The following GABRA2 variants were observed in gnomAD, a reference collection of about 807,000 sequenced individuals.
GABRA2 encodes the protein gamma-aminobutyric acid receptor subunit alpha-2.
Under a neutral mutation model 48.7 loss-of-function variants are expected in GABRA2, and 16 were observed. The ratio of observed to expected loss-of-function variants is 0.33; its 90% CI spans 0.22 to 0.50. The LOEUF (loss-of-function observed/expected upper bound fraction) is 0.50. Ranked by LOEUF, GABRA2 falls within the 20% of genes least tolerant of loss-of-function variation. The probability of loss-of-function intolerance (pLI) is 0.98; values close to 1 mark genes in which losing one functional copy is unlikely to be tolerated. For missense variants in GABRA2, 275 were observed against 535.6 expected (o/e 0.51, Z 4.80); for synonymous variants, 185 against 184.5 (o/e 1.00, Z -0.02).
At chr4:46,290,870 T>C (rs1723489199) in intron 8 of GABRA2, among the ~76,000 whole-genome samples, 1 of 152,150 alleles carries the variant, frequency 6.6e-6, no homozygotes, top group Non-Finnish European at 1.5e-5. Flanking sequence ...TTTTGAAATA[T>C]TACATTAATG....
chr4:46,362,868 T>C (rs1188586953), intron 3 of GABRA2, among the ~76,000 whole-genome samples: 1 of 152,230 alleles, frequency 6.6e-6, no homozygotes, highest in Non-Finnish European at 1.5e-5. Flanking sequence ...TGATATTATA[T>C]GCAGGATGCT....
chr4:46,379,432 C>T (rs1716450692), intron 3 of GABRA2, among the ~76,000 whole-genome samples: 1 of 152,176 alleles, frequency 6.6e-6, no homozygotes. Flanking sequence ...TGACAAATAA[C>T]TTGATATCAG....
At chr4:46,280,373 G>T (rs1721294863) in intron 8 of GABRA2, among the ~76,000 whole-genome samples, 1 of 152,136 alleles carries the variant, frequency 6.6e-6, no homozygotes, top group African/African-American at 2.4e-5. Flanking sequence ...TGAATGTCTG[G>T]CATGGTCATG....
At chr4:46,375,585 T>A (rs1361347789) in intron 3 of GABRA2, among the ~76,000 whole-genome samples, 1 of 152,206 alleles carries the variant, frequency 6.6e-6, no homozygotes, top group Non-Finnish European at 1.5e-5. Context: ...TAGAAAAATG[T>A]GCTCTCTGAG....
intron 3 of GABRA2, among the ~76,000 whole-genome samples, chr4:46,385,228 G>C (rs1175473772): frequency 6.6e-6 from 1 of 151,400 alleles, no homozygotes; most frequent in Non-Finnish European, 1.5e-5. Flanking sequence ...GCAATAACCA[G>C]GTTAACTACA....
intron 8 of GABRA2, among the ~76,000 whole-genome samples, chr4:46,279,818 G>T (rs1025175966): frequency 2.0e-5 from 3 of 151,882 alleles, no homozygotes; most frequent in African/African-American, 4.8e-5. Context: ...TTAATTCTAA[G>T]AATTTAGATT....
chr4:46,344,860 T>C (rs531730898), intron 3 of GABRA2, among the ~76,000 whole-genome samples: 2 of 152,096 alleles, frequency 1.3e-5, no homozygotes, highest in African/African-American at 4.8e-5. Context: ...TATGTATACA[T>C]TCTTATTATA....
chr4:46,257,834 A>T (rs951980582), intron 9 of GABRA2, among the ~76,000 whole-genome samples: 1 of 151,700 alleles, frequency 6.6e-6, no homozygotes, highest in Admixed American at 6.6e-5. Flanking sequence ...TGTAAGGAGA[A>T]TAATGGACAA....
Position 46,245,015 on chromosome 4 carries a change from G to T in GABRA2, c.*5293C>A, listed in dbSNP as rs116488592. On this transcript the variant is annotated 3_prime_UTR_variant, in exon 10 of 10. Transcript: ENST00000381620. ...AGCAAAGAAAAAACACAGGTTTTTG[G>T]TTTTTTTGTTGTTTTTTGTTTTTTT... Among the ~76,000 whole-genome samples the T allele has an allele frequency of 0.019, 2,889 of 151,262 alleles. 97 individuals carry two copies. Among genetic ancestry groups the T allele is most frequent in the African/African-American group, 0.067 (2,761 of 41,404 alleles).
intron 8 of GABRA2, among the ~76,000 whole-genome samples, chr4:46,288,534 C>T (rs955617293): frequency 2.0e-5 from 3 of 152,050 alleles, no homozygotes; most frequent in Non-Finnish European, 4.4e-5. Flanking sequence ...AAACTGTATC[C>T]CTTTCTTATA....
intron 3 of GABRA2, among the ~76,000 whole-genome samples, chr4:46,341,663 G>C (rs1733265891): frequency 6.6e-6 from 1 of 152,012 alleles, no homozygotes. Context: ...CTCTGCCTAA[G>C]CCTTCACTTC....
At position 46,310,141 on chromosome 4, in the gene GABRA2, C is replaced by A. The variant is rs1170351987; in HGVS notation, c.559+32G>T. ...TGCTGACTTTCCCTGATATTATTGA[C>A]CCAAAACATGTAACTTCATCCCTGT... is the stretch of plus-strand genomic sequence containing the variant. On this transcript the variant is annotated intron_variant, in intron 6 of 9. Transcript: ENST00000381620. The A allele has an allele frequency of 2.6e-6, 4 of 1,548,316 alleles. No homozygotes were observed. The African/African-American group carries it at 5.4e-5, about 21-fold the overall frequency.
chr4:46,307,424 G>A (rs538745719), intron 6 of GABRA2, among the ~76,000 whole-genome samples: 13 of 144,784 alleles, frequency 9.0e-5, no homozygotes, highest in African/African-American at 2.0e-4. Context: ...CTCTGTAGTC[G>A]TCAATAAATT....
chr4:46,287,288 G>GTTC (rs77519076), intron 8 of GABRA2, among the ~76,000 whole-genome samples: 58,915 of 151,494 alleles, frequency 0.39, 11,912 homozygotes, highest in East Asian at 0.5. Context: ...CTCCAGCTTT[G>GTTC]TTCTTGTTTA....
chr4:46,278,240 G>T (rs1478377886), intron 8 of GABRA2, among the ~76,000 whole-genome samples: 2 of 152,068 alleles, frequency 1.3e-5, no homozygotes, highest in Non-Finnish European at 2.9e-5. Flanking sequence ...CTTTCTGTTT[G>T]TTGAATTAAA....
intron 2 of GABRA2, among the ~76,000 whole-genome samples, chr4:46,387,974 G>T (rs1717695321): frequency 1.3e-5 from 2 of 151,964 alleles, no homozygotes. Context: ...GTTACTGAAA[G>T]CAATAAAAAT....
intron 8 of GABRA2, among the ~76,000 whole-genome samples, chr4:46,293,522 A>T (rs1309286705): frequency 1.3e-5 from 2 of 152,128 alleles, no homozygotes; most frequent in East Asian, 3.9e-4. Flanking sequence ...GAGGTCAGGG[A>T]ATTAATGGAG....
intron 3 of GABRA2, among the ~76,000 whole-genome samples, chr4:46,374,108 C>A (rs1333441684): frequency 6.6e-6 from 1 of 152,036 alleles, no homozygotes; most frequent in Non-Finnish European, 1.5e-5. Context: ...TACCCTGATT[C>A]TCTGACTATT....
intron 8 of GABRA2, among the ~76,000 whole-genome samples, chr4:46,284,482 G>A (rs1351195701): frequency 6.6e-6 from 1 of 152,132 alleles, no homozygotes; most frequent in Non-Finnish European, 1.5e-5. Flanking sequence ...TGTTGCTATT[G>A]AATGAATTGG....
Sources: allele counts gnomAD v4.1 joint callset (sites outside exome capture counted in the v4.1 genomes callset), GRCh38; gene constraint gnomAD v4.1.1; transcripts MANE v1.5; gene names NCBI Gene and HGNC (gene_info 2026-07-23, HGNC 2026-07-21).